The following RAPGEF4 variants were observed in gnomAD, a reference collection of about 807,000 sequenced individuals.
RAPGEF4 encodes Rap guanine nucleotide exchange factor 4, also known as RAP guanine-nucleotide-exchange factor (GEF) 4.
In RAPGEF4, 66 loss-of-function variants were observed where a neutral mutation model predicts 147.9. The observed-to-expected ratio is 0.45, with a 90% CI of 0.37 to 0.55. RAPGEF4 has a LOEUF of 0.55. Among genes scored for constraint, RAPGEF4 ranks in the 20% least tolerant of loss-of-function variants. The pLI, the probability that RAPGEF4 is intolerant of heterozygous loss-of-function variation, is 0.00. For synonymous variants in RAPGEF4, 419 were observed against 442.7 expected, an observed-to-expected ratio of 0.95 and a Z score of 0.67; for missense variants, 1,071 against 1,257.3, an observed-to-expected ratio of 0.85 and a Z score of 2.24.
Position 173,052,000 on chromosome 2 carries a change from C to T in RAPGEF4, c.*233C>T. 1 of 350,156 alleles carries T rather than the reference C, an allele frequency of 2.9e-6. No homozygotes were observed. The allele number at this position is 350,156 out of a possible 1,614,324, so 21.7% of individuals were successfully genotyped here. A position where few individuals can be genotyped will look rare whatever the true frequency, so the allele number is the denominator to read the frequency against. ...CTTAGGAATCCCCAGTTTGTGGCTA[C>T]CCTGTTTCATTTCCACTTGTGCCAT... is the stretch of plus-strand genomic sequence containing the variant. On this transcript the variant is annotated 3_prime_UTR_variant, in exon 31 of 31. Coordinates refer to ENST00000397081, the MANE Select transcript of RAPGEF4 (RefSeq NM_007023.4).
Position 172,988,819 on chromosome 2 carries a change from G to A in RAPGEF4, c.1354G>A (p.Asp452Asn), listed in dbSNP as rs1186167536. ...NCHFLRVDKE[D>N]FNRILRDVEA... The stretch of plus-strand genomic sequence containing the variant: ...CCATTTCTTAAGAGTAGACAAGGAG[G>A]ATTTCAACCGGATCCTAAGGGTGAG... The change falls in exon 14 of 31, where the codon GAT (aspartate) becomes AAT (asparagine). Residue 452 changes from aspartate to asparagine, a missense_variant. Physicochemically the swap from Asp to Asn is conservative, Grantham distance 23. Transcript: ENST00000397081. 2 of 1,613,916 alleles carry A rather than the reference G, an allele frequency of 1.2e-6. No individual in the cohort carries two copies. The highest frequency in any genetic ancestry group is 1.7e-5 in the Admixed American group (1 of 60,028).
chr2:172,820,921 T>C (rs1689000816), intron 4 of RAPGEF4, among the ~76,000 whole-genome samples: 1 of 152,108 alleles, frequency 6.6e-6, no homozygotes, highest in Non-Finnish European at 1.5e-5. Context: ...TAGGGGAAAA[T>C]CCCTTTTCCA....
intron 10 of RAPGEF4, among the ~76,000 whole-genome samples, chr2:172,968,952 G>A (rs961846426): frequency 1.3e-5 from 2 of 152,024 alleles, no homozygotes; most frequent in Admixed American, 1.3e-4. Context: ...TGTCCTCCTT[G>A]CTGCCACCTG....
intron 9 of RAPGEF4, chr2:172,966,995 T>A (rs1689908947): frequency 3.1e-6 from 1 of 327,078 alleles, no homozygotes; most frequent in Non-Finnish European, 5.6e-6. Flanking sequence ...AGTGTTCATC[T>A]GAGAAATGCT....
At chr2:172,958,254 ATTT>A (rs1688942292) in intron 6 of RAPGEF4, among the ~76,000 whole-genome samples, 1 of 152,184 alleles carries the variant, frequency 6.6e-6, no homozygotes, top group Non-Finnish European at 1.5e-5. Context: ...GAAGAAATGG[ATTT>A]CTACTATTAT....
chr2:172,857,447 C>T (rs371201808), intron 4 of RAPGEF4, among the ~76,000 whole-genome samples: 1 of 152,198 alleles, frequency 6.6e-6, no homozygotes, highest in Non-Finnish European at 1.5e-5. Context: ...ATATGTCTTT[C>T]GGTGTATACA....
chr2:173,029,853 T>A (rs1697019942), intron 25 of RAPGEF4, among the ~76,000 whole-genome samples: 1 of 152,172 alleles, frequency 6.6e-6, no homozygotes, highest in Admixed American at 6.5e-5. Flanking sequence ...GATATTTCCC[T>A]CTCGGTCCAA....
chr2:173,002,519 G>T (rs1417880719), intron 17 of RAPGEF4, among the ~76,000 whole-genome samples: 1 of 151,936 alleles, frequency 6.6e-6, no homozygotes, highest in African/African-American at 2.4e-5. Context: ...TATATTCTAA[G>T]ATTTTGTTTT....
intron 5 of RAPGEF4, among the ~76,000 whole-genome samples, chr2:172,922,027 T>C (rs987434699): frequency 6.6e-6 from 1 of 152,234 alleles, no homozygotes; most frequent in African/African-American, 2.4e-5. Context: ...TCTGTGAAAG[T>C]AAACCATATG....
intron 1 of RAPGEF4, among the ~76,000 whole-genome samples, chr2:172,774,744 A>G (rs77673063): frequency 0.011 from 1,661 of 152,168 alleles, 34 homozygotes; most frequent in African/African-American, 0.037. Context: ...CATCATGTAG[A>G]TATATGTCTT....
intron 17 of RAPGEF4, among the ~76,000 whole-genome samples, chr2:173,003,811 C>T (rs1694185854): frequency 6.6e-6 from 1 of 152,062 alleles, no homozygotes; most frequent in Non-Finnish European, 1.5e-5. Context: ...TATATTGCAT[C>T]ATAAACTGCT....
chr2:172,988,909 AG>A, intron 14 of RAPGEF4, 70 bp downstream of exon 14: 1 of 1,512,974 alleles, frequency 6.6e-7, no homozygotes, highest in African/African-American at 1.4e-5. Flanking sequence ...CAAAGCTTTG[AG>A]CATAGTCTTA....
chr2:172,988,886 T>G (rs747018722), intron 14 of RAPGEF4, 47 bp downstream of exon 14: 3 of 1,577,688 alleles, frequency 1.9e-6, no homozygotes, highest in Non-Finnish European at 2.6e-6. Context: ...ATTTTTTTCT[T>G]TAACTAAATA....
chr2:172,923,567 C>T (rs1390599823), intron 6 of RAPGEF4, among the ~76,000 whole-genome samples: 1 of 152,166 alleles, frequency 6.6e-6, no homozygotes, highest in African/African-American at 2.4e-5. Context: ...CACACCTGGC[C>T]AGACTTGGGT....
At chr2:172,789,695 A>G (rs1574844190) in intron 1 of RAPGEF4, among the ~76,000 whole-genome samples, 1 of 152,308 alleles carries the variant, frequency 6.6e-6, no homozygotes, top group East Asian at 1.9e-4. Flanking sequence ...TAGAAACCTC[A>G]TAAGTGGAAA....
At chr2:172,899,521 C>T (rs1192938519) in intron 4 of RAPGEF4, among the ~76,000 whole-genome samples, 1 of 152,144 alleles carries the variant, frequency 6.6e-6, no homozygotes, top group African/African-American at 2.4e-5. Flanking sequence ...ACAAGGAAGC[C>T]AGAATGTGCT....
chr2:172,947,284 C>T (rs79781246), intron 6 of RAPGEF4, among the ~76,000 whole-genome samples: 2,343 of 152,200 alleles, frequency 0.015, 62 homozygotes, highest in African/African-American at 0.054. Flanking sequence ...AGCTGTAAAA[C>T]ATTTAATAAC....
chr2:172,960,141 G>C (rs1187774957), intron 6 of RAPGEF4, among the ~76,000 whole-genome samples: 2 of 152,102 alleles, frequency 1.3e-5, no homozygotes, highest in Non-Finnish European at 2.9e-5. Context: ...CTAGAGCCTA[G>C]AGCTGATCTG....
At chr2:172,781,384 C>T (rs939933163) in intron 1 of RAPGEF4, among the ~76,000 whole-genome samples, 1 of 152,100 alleles carries the variant, frequency 6.6e-6, no homozygotes, top group African/African-American at 2.4e-5. Context: ...TGACTCACAC[C>T]TGTAATCCCA....
Sources: allele counts gnomAD v4.1 joint callset (sites outside exome capture counted in the v4.1 genomes callset), GRCh38; gene constraint gnomAD v4.1.1; transcripts MANE v1.5; gene names NCBI Gene and HGNC (gene_info 2026-07-23, HGNC 2026-07-21).